GRIK5: variants seen among roughly 807,000 people sequenced by gnomAD.
GRIK5 encodes the protein glutamate ionotropic receptor kainate type subunit 5, also known as glutamate receptor ionotropic, kainate 5.
Under a neutral mutation model 97.4 loss-of-function variants are expected in GRIK5, and 43 were observed. That is an observed-to-expected ratio of 0.44 (90% CI 0.35 to 0.57). The LOEUF (loss-of-function observed/expected upper bound fraction) is 0.57. GRIK5 is among the 20% of genes least tolerant of loss of function. The pLI is 0.01. For missense variants in GRIK5, 1,015 were observed against 1,382.0 expected, an observed-to-expected ratio of 0.73 and a Z score of 4.21; for synonymous variants, 580 against 583.5, an observed-to-expected ratio of 0.99 and a Z score of 0.09.
chr19:42,044,725 G>A (rs2076021922), intron 11 of GRIK5, among the ~76,000 whole-genome samples: 1 of 152,218 alleles, frequency 6.6e-6, no homozygotes, highest in Non-Finnish European at 1.5e-5. Flanking sequence ...CAAGACAGGT[G>A]GATGGCTTGA....
chr19:42,062,523 T>A lies in GRIK5; in HGVS notation c.473A>T (p.Tyr158Phe). 1 of 1,613,954 alleles carries A rather than the reference T, an allele frequency of 6.2e-7. No homozygotes were observed. Among genetic ancestry groups the A allele is most frequent in the Non-Finnish European group, 8.5e-7 (1 of 1,179,992 alleles). ...AVSRILKSFN[Y>F]PSASLICAKA... ...GGCGCAGATGAGGCTGGCCGAGGGGTAGTTGAAGGACTTGAGGATTCGGGA... is the reference window on the plus strand; with the variant it reads ...GGCGCAGATGAGGCTGGCCGAGGGGAAGTTGAAGGACTTGAGGATTCGGGA... Residue 158 changes from tyrosine to phenylalanine, a missense_variant, in exon 5 of 20, where the codon TAC (tyrosine) becomes TTC (phenylalanine). Physicochemically the swap from Tyr to Phe is conservative, Grantham distance 22 (BLOSUM62 3). Transcript: ENST00000593562. This position sits in a 1 kb window ranked among gnomAD's most constrained non-coding sequence, Gnocchi z 5.3.
chr19:42,061,922 G>C (rs545603043), intron 5 of GRIK5, among the ~76,000 whole-genome samples: 1 of 152,188 alleles, frequency 6.6e-6, no homozygotes, highest in African/African-American at 2.4e-5. Flanking sequence ...CTCTTGCTTC[G>C]TTGTTCTCAC....
chr19:42,031,808 G>C (rs1311417270), intron 12 of GRIK5, among the ~76,000 whole-genome samples: 1 of 152,186 alleles, frequency 6.6e-6, no homozygotes, highest in Non-Finnish European at 1.5e-5. Context: ...TAAGAAAATA[G>C]GCTGCAATGC....
In GRIK5 at chr19:42,043,399, ATTTTTT is replaced by A. The variant is rs984583211; in HGVS notation, c.1270-650_1270-645del. Among the ~76,000 whole-genome samples, 7 of 121,306 alleles carry A rather than the reference ATTTTTT, an allele frequency of 5.8e-5. No individual in the cohort carries two copies. The South Asian group carries it at 7.8e-4, about 14-fold the overall frequency. The allele number at this position is 121,306 out of a possible 152,430, so 79.6% of individuals were successfully genotyped here. On this transcript the variant is annotated intron_variant, in intron 11 of 19. Coordinates refer to ENST00000593562, the MANE Select transcript of GRIK5 (RefSeq NM_002088.5). ...CAGGCTGAAGATGACAGATGGTGCA[ATTTTTT>A]TTTTTTTTTTTTTTTTTTGAGACAG...
intron 1 of GRIK5, chr19:42,068,383 G>A (rs577913326): frequency 8.2e-4 from 164 of 199,654 alleles, no homozygotes; most frequent in Non-Finnish European, 1.4e-3. Flanking sequence ...GAAAGGCCAC[G>A]CGAGGTAACA....
intron 12 of GRIK5, among the ~76,000 whole-genome samples, chr19:42,024,635 G>A (rs1455702350): frequency 6.6e-6 from 1 of 152,210 alleles, no homozygotes; most frequent in Non-Finnish European, 1.5e-5. Context: ...AGCCCGCAGA[G>A]AGCAGGTTCC....
intron 12 of GRIK5, among the ~76,000 whole-genome samples, chr19:42,023,960 C>T (rs774339813): frequency 6.6e-6 from 1 of 152,254 alleles, no homozygotes; most frequent in Non-Finnish European, 1.5e-5. Flanking sequence ...GCCCTGGCGA[C>T]CTAGGGCTCA....
In GRIK5 at chr19:42,069,898, C is replaced by A. The variant is rs1318844052; in HGVS notation, c.-708G>T. On this transcript the variant is annotated 5_prime_UTR_variant, in exon 1 of 20. Coordinates refer to ENST00000593562, the MANE Select transcript of GRIK5 (RefSeq NM_002088.5). ...CTGGGGAGGATGGAGAGCTGGGAGA[C>A]CCGGAGAGGCCAAGAAGGGGGCAAA... Among the ~76,000 whole-genome samples, 1 of 151,890 alleles carries A rather than the reference C, an allele frequency of 6.6e-6. No individual in the cohort carries two copies. The highest frequency in any genetic ancestry group is 1.5e-5 in the Non-Finnish European group (1 of 67,904).
intron 15 of GRIK5, among the ~76,000 whole-genome samples, chr19:42,014,945 G>A (rs1278446956): frequency 6.6e-6 from 1 of 152,172 alleles, no homozygotes. Context: ...GATGGGCCGA[G>A]ACTAAAAGAA....
At chr19:42,033,480 A>G (rs1171152775) in intron 12 of GRIK5, among the ~76,000 whole-genome samples, 4 of 151,422 alleles carry the variant, frequency 2.6e-5, no homozygotes, top group African/African-American at 9.7e-5. Context: ...AGGTAAACCC[A>G]TGGAGACAGA....
Position 42,054,440 on chromosome 19 carries a change from G to C in GRIK5, c.936C>G (p.His312Gln). 1 of 1,613,374 alleles carries C rather than the reference G, an allele frequency of 6.2e-7. No individual in the cohort carries two copies. Among genetic ancestry groups the C allele is most frequent in the Non-Finnish European group, 8.5e-7 (1 of 1,180,002 alleles). Residue 312 changes from histidine (H) to glutamine (Q), a missense_variant, in exon 9 of 20, where the codon CAC (histidine) becomes CAG (glutamine). Physicochemically the swap from His to Gln is conservative, Grantham distance 24. Transcript: ENST00000593562. ...LSAALMFDAV[H>Q]VVVSAVRELN... ...GCTCTCGGACAGCGCTCACCACCAC[G>C]TGCACGGCGTCAAACATCAGGGCGG...
chr19:42,067,355 G>A (rs1457787550), intron 1 of GRIK5, among the ~76,000 whole-genome samples: 1 of 152,212 alleles, frequency 6.6e-6, no homozygotes, highest in Non-Finnish European at 1.5e-5. Flanking sequence ...GCGTGATCTT[G>A]AGCAAGTCAC....
intron 12 of GRIK5, among the ~76,000 whole-genome samples, chr19:42,036,557 T>C (rs2075908004): frequency 6.6e-6 from 1 of 152,148 alleles, no homozygotes; most frequent in Admixed American, 6.6e-5. Context: ...GGTTTCACCA[T>C]GTTGCCAAGG....
At position 42,021,555 on chromosome 19, in the gene GRIK5, G is replaced by T; in HGVS notation, c.1698-81C>A. ...AGGAAAGAAGCAAAGGAAAGTCACA[G>T]TGATCAGAAGAAAGGGGGAGAGATG... On this transcript the variant is annotated intron_variant, in intron 14 of 19. Transcript: ENST00000593562. This position sits in a 1 kb window ranked among gnomAD's most constrained non-coding sequence, Gnocchi z 4.2. The T allele has an allele frequency of 8.4e-7, 1 of 1,194,928 alleles. No individual in the cohort carries two copies. Among genetic ancestry groups the T allele is most frequent in the Non-Finnish European group, 1.1e-6 (1 of 870,240 alleles). The allele number at this position is 1,194,928 out of a possible 1,614,324, so 74.0% of individuals were successfully genotyped here. A position where few individuals can be genotyped will look rare whatever the true frequency, so the allele number is the denominator to read the frequency against.
chr19:42,047,972 C>CAAAA (rs552963887), intron 11 of GRIK5, among the ~76,000 whole-genome samples: 4 of 54,932 alleles, frequency 7.3e-5, no homozygotes, highest in Non-Finnish European at 1.4e-4. Context: ...GACTCTGTCT[C>CAAAA]AAAAAAAAAA....
At chr19:42,047,608 C>T (rs1231291184) in intron 11 of GRIK5, among the ~76,000 whole-genome samples, 1 of 152,048 alleles carries the variant, frequency 6.6e-6, no homozygotes, top group African/African-American at 2.4e-5. Flanking sequence ...AAAGGTAAAA[C>T]TGTCCTGAAG....
Position 42,002,578 on chromosome 19 carries a change from T to G in GRIK5, c.2514+754A>C. 1.5e-6 allele frequency: 1 copy of G among 648,454 alleles called. No individual in the cohort carries two copies. The highest frequency in any genetic ancestry group is 2.4e-5 in the Admixed American group (1 of 41,302). The allele number at this position is 648,454 out of a possible 1,614,324, so 40.2% of individuals were successfully genotyped here. ...AGTAGATGTAAGGTCAGCCGCTGGA[T>G]GTGAGGAGGGGGAGGAAGGGCTGGA... On this transcript the variant is annotated intron_variant, in intron 19 of 19. Coordinates refer to ENST00000593562, the MANE Select transcript of GRIK5 (RefSeq NM_002088.5). The surrounding 1 kb of genome is among the most constrained non-coding windows in gnomAD (Gnocchi z 5.2).
At position 42,021,775 on chromosome 19, in the gene GRIK5, G is replaced by A. The variant is rs898479812; in HGVS notation, c.1697+172C>T. Among the ~76,000 whole-genome samples the A allele has an allele frequency of 1.3e-5, 2 of 152,140 alleles. No homozygotes were observed. The highest frequency in any genetic ancestry group is 1.3e-4 in the Admixed American group (2 of 15,278). ...CAGAGCACAGTCAGAGCCACAAGGG[G>A]AAGAATGAGACTCAGACACAGGGCA... On this transcript the variant is annotated intron_variant, in intron 14 of 19. Transcript: ENST00000593562. This position sits in a 1 kb window ranked among gnomAD's most constrained non-coding sequence, Gnocchi z 4.2.
At chr19:42,043,629 C>T (rs952955474) in intron 11 of GRIK5, among the ~76,000 whole-genome samples, 2 of 152,020 alleles carry the variant, frequency 1.3e-5, no homozygotes, top group African/African-American at 4.8e-5. Flanking sequence ...CCAGGCTGGT[C>T]TTAAACTCCT....
Sources: allele counts gnomAD v4.1 joint callset (sites outside exome capture counted in the v4.1 genomes callset), GRCh38; gene constraint gnomAD v4.1.1; non-coding constraint Gnocchi (gnomAD v3.1); transcripts MANE v1.5; gene names NCBI Gene and HGNC (gene_info 2026-07-23, HGNC 2026-07-21).